SLC39A11: variants seen among roughly 807,000 people sequenced by gnomAD.
SLC39A11 encodes the protein zinc transporter ZIP11.
A neutral mutation model predicts 36.1 loss-of-function variants in SLC39A11; 33 were observed. That is an observed-to-expected ratio of 0.91 (90% CI 0.69 to 1.22). SLC39A11 has a LOEUF of 1.22. Ranked by LOEUF, SLC39A11 falls within the 50% of genes most tolerant of loss-of-function variation. The pLI is 0.00. For missense variants in SLC39A11, 432 were observed against 430.3 expected (o/e 1.00, Z -0.03); for synonymous variants, 166 against 170.3 (o/e 0.97, Z 0.20).
At chr17:73,025,634 A>G (rs2058508869) in intron 4 of SLC39A11, among the ~76,000 whole-genome samples, 1 of 152,198 alleles carries the variant, frequency 6.6e-6, no homozygotes, top group African/African-American at 2.4e-5. Context: ...AACTGTGTAA[A>G]AATGTATGCT....
chr17:73,065,563 C>A (rs1328210176), intron 3 of SLC39A11, among the ~76,000 whole-genome samples: 1 of 152,164 alleles, frequency 6.6e-6, no homozygotes, highest in African/African-American at 2.4e-5. Flanking sequence ...GGAATCCTTC[C>A]CCCGAGCAAA....
At chr17:72,923,387 G>A (rs1006961075) in intron 5 of SLC39A11, among the ~76,000 whole-genome samples, 2 of 152,206 alleles carry the variant, frequency 1.3e-5, no homozygotes, top group African/African-American at 4.8e-5. Flanking sequence ...ATATGAAGCA[G>A]AACCATGGCC....
intron 4 of SLC39A11, among the ~76,000 whole-genome samples, chr17:73,021,487 A>T (rs1004621387): frequency 6.6e-6 from 1 of 152,026 alleles, no homozygotes; most frequent in African/African-American, 2.4e-5. Context: ...GATTACAAGC[A>T]GGCACCACCA....
chr17:73,006,357 T>G lies in SLC39A11; in HGVS notation c.306+25199A>C, dbSNP rs561420762. On this transcript the variant is annotated intron_variant, in intron 4 of 9. Coordinates refer to ENST00000255559, the MANE Select transcript of SLC39A11 (RefSeq NM_139177.4). Reference sequence around the variant, plus strand: ...TAATGGATCTTCTAGATCAGAGGTTTGTAAACTATGGATTGTGGGCCAAAT... The same window carrying G: ...TAATGGATCTTCTAGATCAGAGGTTGGTAAACTATGGATTGTGGGCCAAAT... 1.1e-4 allele frequency among the ~76,000 whole-genome samples: 16 copies of G among 152,316 alleles called. No individual in the cohort carries two copies. In the South Asian group the frequency reaches 3.3e-3, roughly 32 times the overall value.
rs550684446 is a variant in SLC39A11 at position 72,843,629 on chromosome 17, C to T, written c.601+6005G>A. Reference sequence around the variant, plus strand: ...CCTGACCACGACCATGCTGGCAGCCCGATCTCAGGCTTCCAGCTTCCAGAA... The same window carrying T: ...CCTGACCACGACCATGCTGGCAGCCTGATCTCAGGCTTCCAGCTTCCAGAA... On this transcript the variant is annotated intron_variant, in intron 6 of 9. Coordinates refer to ENST00000255559, the MANE Select transcript of SLC39A11 (RefSeq NM_139177.4). Among the ~76,000 whole-genome samples the T allele has an allele frequency of 5.3e-5, 8 of 152,256 alleles. No individual in the cohort carries two copies. In the East Asian group the frequency reaches 1.4e-3, roughly 26 times the overall value.
chr17:73,037,812 CA>C (rs1328437978), intron 3 of SLC39A11, among the ~76,000 whole-genome samples: 3 of 152,202 alleles, frequency 2.0e-5, no homozygotes, highest in South Asian at 2.1e-4. Flanking sequence ...CGAATGAAGC[CA>C]GGGGGAAGGT....
intron 5 of SLC39A11, among the ~76,000 whole-genome samples, chr17:72,903,083 G>C (rs1331084884): frequency 6.6e-6 from 1 of 152,042 alleles, no homozygotes; most frequent in Non-Finnish European, 1.5e-5. Context: ...CTGACCAAAT[G>C]ATGAAACCCC....
At chr17:72,737,771 C>T (rs1422450617) in intron 6 of SLC39A11, among the ~76,000 whole-genome samples, 6 of 152,064 alleles carry the variant, frequency 3.9e-5, no homozygotes, top group Non-Finnish European at 7.4e-5. Context: ...CCTCTTCGGC[C>T]AGAACAGGAG....
At chr17:72,860,949 T>C (rs922336687) in intron 5 of SLC39A11, among the ~76,000 whole-genome samples, 2 of 152,148 alleles carry the variant, frequency 1.3e-5, no homozygotes, top group African/African-American at 4.8e-5. Context: ...AGGATTGTTG[T>C]GGAGAGTGGA....
At chr17:72,862,252 G>C (rs2080078985) in intron 5 of SLC39A11, among the ~76,000 whole-genome samples, 1 of 152,186 alleles carries the variant, frequency 6.6e-6, no homozygotes, top group Non-Finnish European at 1.5e-5. Context: ...TTCTGAGATG[G>C]AAGTGTTGGG....
chr17:72,914,184 C>T (rs1003152149), intron 5 of SLC39A11, among the ~76,000 whole-genome samples: 45 of 151,630 alleles, frequency 3.0e-4, no homozygotes, highest in African/African-American at 9.7e-4. Context: ...GGCACGGTGG[C>T]GGGCACCTGT....
intron 5 of SLC39A11, among the ~76,000 whole-genome samples, chr17:72,904,464 G>A (rs1251143298): frequency 6.6e-6 from 1 of 152,142 alleles, no homozygotes; most frequent in Non-Finnish European, 1.5e-5. Flanking sequence ...AATCCTATCA[G>A]CTTCACTCTG....
chr17:72,936,386 T>C (rs1201157440), intron 5 of SLC39A11, among the ~76,000 whole-genome samples: 5 of 133,384 alleles, frequency 3.7e-5, no homozygotes, highest in Admixed American at 2.5e-4. Context: ...CTACAGGTTA[T>C]GGCAGTATCT....
intron 3 of SLC39A11, among the ~76,000 whole-genome samples, chr17:73,067,691 A>G (rs2060037623): frequency 6.6e-6 from 1 of 152,148 alleles, no homozygotes; most frequent in Non-Finnish European, 1.5e-5. Context: ...ATTAATACAA[A>G]TCACATTTTT....
intron 4 of SLC39A11, among the ~76,000 whole-genome samples, chr17:72,996,684 A>C (rs1441736248): frequency 6.6e-6 from 1 of 152,180 alleles, no homozygotes; most frequent in African/African-American, 2.4e-5. Context: ...ACCCTACTCT[A>C]GTACGACCTC....
At chr17:72,651,456 A>C (rs1465029875) in intron 7 of SLC39A11, among the ~76,000 whole-genome samples, 1 of 152,206 alleles carries the variant, frequency 6.6e-6, no homozygotes, top group Non-Finnish European at 1.5e-5. Flanking sequence ...ACAAGATCTG[A>C]TGTGGAGAGC....
rs1036591391 is a variant in SLC39A11 at position 73,044,201 on chromosome 17, C to T, written c.148-12487G>A. Among the ~76,000 whole-genome samples, 13 of 152,152 alleles carry T rather than the reference C, an allele frequency of 8.5e-5. No individual in the cohort carries two copies. The South Asian group carries it at 2.5e-3, about 29-fold the overall frequency. ...ACCCAGTCATTCCTCTCCTTGTTCC[C>T]CAAGAGAAATGAAAACATACGTCCA... On this transcript the variant is annotated intron_variant, in intron 3 of 9. Transcript: ENST00000255559.
chr17:72,650,234 G>A (rs973453210), intron 7 of SLC39A11, among the ~76,000 whole-genome samples: 20 of 152,202 alleles, frequency 1.3e-4, no homozygotes, highest in African/African-American at 4.8e-4. Context: ...TGCCTCTGCA[G>A]GACAGTGACA....
intron 7 of SLC39A11, among the ~76,000 whole-genome samples, chr17:72,717,435 G>T (rs1211538697): frequency 6.6e-6 from 1 of 152,102 alleles, no homozygotes; most frequent in Non-Finnish European, 1.5e-5. Context: ...TCTAGGGGAG[G>T]ATCCTCCCTC....
Sources: allele counts gnomAD v4.1 joint callset (sites outside exome capture counted in the v4.1 genomes callset), GRCh38; gene constraint gnomAD v4.1.1; transcripts MANE v1.5; gene names NCBI Gene and HGNC (gene_info 2026-07-23, HGNC 2026-07-21).